ZNF320: variants seen among roughly 807,000 people sequenced by gnomAD.
ZNF320 encodes zinc finger gene 320.
Under a neutral mutation model 6.8 loss-of-function variants are expected in ZNF320, and 2 were observed. That is an observed-to-expected ratio of 0.29 (90% confidence interval 0.12 to 0.93). ZNF320 has a LOEUF of 0.93. ZNF320 is among the 40% of genes least tolerant of loss of function. The probability of loss-of-function intolerance (pLI) is 0.55; values close to 1 mark genes in which losing one functional copy is unlikely to be tolerated. For missense variants in ZNF320, 472 were observed against 611.0 expected (o/e 0.77, Z 2.40); for synonymous variants, 208 against 203.2 (o/e 1.02, Z -0.20).
At chr19:52,859,943 C>G (rs371103440), downstream of ZNF320, among the ~76,000 whole-genome samples, 1 of 142,298 alleles carries the variant, frequency 7.0e-6, no homozygotes, top group Non-Finnish European at 1.5e-5. Flanking sequence ...GACGGTGTAT[C>G]GCTCTGTCAC....
At chr19:52,863,799 G>A (rs929762726) in exon 6 of ZNF320, 12 of 190,682 alleles carry the variant, frequency 6.3e-5, no homozygotes, top group Admixed American at 5.8e-4. Context: ...TTTAGAGGCC[G>A]AGGCGGGTGG....
At chr19:52,887,013 A>AAAAAC (rs2064111438) in intron 5 of ZNF320, among the ~76,000 whole-genome samples, 1 of 143,248 alleles carries the variant, frequency 7.0e-6, no homozygotes, top group Admixed American at 7.0e-5. Context: ...AAGGAAAAGA[A>AAAAAC]AAAACAAAAC....
At chr19:52,864,567 G>A (rs1207720754) in intron 5 of ZNF320, among the ~76,000 whole-genome samples, 1 of 152,082 alleles carries the variant, frequency 6.6e-6, no homozygotes, top group African/African-American at 2.4e-5. Context: ...GAGAAGTGGA[G>A]GGAGGCAGAT....
chr19:52,884,492 G>A (rs111831725), intron 5 of ZNF320, among the ~76,000 whole-genome samples: 6 of 152,130 alleles, frequency 3.9e-5, no homozygotes, highest in Admixed American at 1.3e-4. Context: ...TGGTTTTTGT[G>A]GTTTTAGTAG....
chr19:52,872,793 G>A (rs1162945849), downstream of ZNF320, among the ~76,000 whole-genome samples: 5 of 152,102 alleles, frequency 3.3e-5, no homozygotes, highest in African/African-American at 1.2e-4. Flanking sequence ...GAGCCACCGC[G>A]CCCAGCCTCT....
At chr19:52,894,622 C>A (rs2064415689) in intron 1 of ZNF320, among the ~76,000 whole-genome samples, 1 of 152,090 alleles carries the variant, frequency 6.6e-6, no homozygotes, top group African/African-American at 2.4e-5. Context: ...GCCTGTAATC[C>A]TAGCACTTTG....
chr19:52,860,043 G>T (rs1474122865), downstream of ZNF320, among the ~76,000 whole-genome samples: 2 of 151,812 alleles, frequency 1.3e-5, no homozygotes, highest in Non-Finnish European at 2.9e-5. Context: ...CTCCAGAGTA[G>T]CTGGGACTAC....
chr19:52,881,103 T>C lies in ZNF320; in HGVS notation c.1023A>G (p.Lys341=). The change falls in exon 6 of 6, where the codon AAA becomes AAG. Residue 341 remains lysine (K), a synonymous_variant. Coordinates refer to ENST00000682928, the MANE Select transcript of ZNF320 (RefSeq NM_001351774.2). ...TCCTCCTATGTCTTTCAAGATGTGA[T>C]TTGCGACTGAAAACTTTGTCGCATT... is the stretch of plus-strand genomic sequence containing the variant. ...CEECDKVFSR[K]SHLERHRRIH... is the part of the protein sequence containing the mutation. 6.2e-7 allele frequency: 1 copy of C among 1,614,164 alleles called. No individual in the cohort carries two copies. The highest frequency in any genetic ancestry group is 8.5e-7 in the Non-Finnish European group (1 of 1,180,034).
In ZNF320 at chr19:52,881,152, C is replaced by T. The variant is rs1308077326; in HGVS notation, c.974G>A (p.Gly325Glu). Reference protein sequence around the residue: ...TLAGHRRVHTGEKPYRCEECD... With the variant: ...TLAGHRRVHTEEKPYRCEECD... ...TTCTTCACATCTGTAAGGTTTCTCT[C>T]CAGTGTGAACTCTACGATGTCCTGC... Residue 325 changes from glycine (G) to glutamate (E), a missense_variant, in exon 6 of 6, where the codon GGA (glycine) becomes GAA (glutamate). Physicochemically the swap from Gly to Glu is moderately conservative, Grantham distance 98. Transcript: ENST00000682928. The T allele has an allele frequency of 6.8e-6, 11 of 1,614,144 alleles. No homozygotes were observed. The highest frequency in any genetic ancestry group is 8.5e-6 in the Non-Finnish European group (10 of 1,180,030).
intron 5 of ZNF320, chr19:52,865,381 T>C (rs566789975): frequency 1.1e-3 from 332 of 314,062 alleles, no homozygotes; most frequent in Middle Eastern, 4.2e-3. Flanking sequence ...CAGGTTCCTG[T>C]AGTTCTCCCA....
rs186267150 is a variant in ZNF320, at chr19:52,868,905, T to C, written c.224-4746A>G. On this transcript the variant is annotated intron_variant, in intron 5 of 5. Transcript: ENST00000673631. ...CCAATAATTTTGTCCAGTGGATGAA[T>C]AAGGTCTTGACTTACTCAGTGAGAG... is the stretch of plus-strand genomic sequence containing the variant. 9.5e-3 allele frequency among the ~76,000 whole-genome samples: 1,443 copies of C among 151,968 alleles called. 14 individuals are homozygous for C. Among genetic ancestry groups the C allele is most frequent in the Non-Finnish European group, 0.013 (917 of 67,974 alleles).
upstream of ZNF320, among the ~76,000 whole-genome samples, chr19:52,897,894 T>C (rs867180020): frequency 6.6e-6 from 1 of 152,178 alleles, no homozygotes; most frequent in African/African-American, 2.4e-5. Context: ...GGGTGGGTCC[T>C]GAGCTTTCCT....
downstream of ZNF320, among the ~76,000 whole-genome samples, chr19:52,860,069 C>T (rs1180462489): frequency 2.6e-5 from 4 of 152,156 alleles, no homozygotes; most frequent in South Asian, 2.1e-4. Context: ...CCCGCCACCA[C>T]GCCCGGCTAA....
chr19:52,899,194 A>C (rs1233517228), upstream of ZNF320, among the ~76,000 whole-genome samples: 1 of 152,216 alleles, frequency 6.6e-6, no homozygotes, highest in African/African-American at 2.4e-5. Context: ...AGCAGTAAGC[A>C]GCTTTTTATT....
chr19:52,866,736 T>C (rs2147773592), intron 5 of ZNF320, among the ~76,000 whole-genome samples: 2 of 152,146 alleles, frequency 1.3e-5, no homozygotes, highest in South Asian at 4.2e-4. Context: ...CCAAGCATGA[T>C]GGCACATACC....
chr19:52,889,935 G>A (rs1429566048), intron 4 of ZNF320, among the ~76,000 whole-genome samples: 1 of 152,110 alleles, frequency 6.6e-6, no homozygotes, highest in African/African-American at 2.4e-5. Context: ...GCATCCAGAT[G>A]TGGCCCCTGA....
intron 5 of ZNF320, among the ~76,000 whole-genome samples, chr19:52,883,261 C>T (rs1339667751): frequency 3.3e-5 from 5 of 151,992 alleles, no homozygotes; most frequent in African/African-American, 4.8e-5. Flanking sequence ...AGGCTAGTCT[C>T]GAACTCCTGT....
At chr19:52,897,340 CT>C (rs1434684713) in intron 1 of ZNF320, among the ~76,000 whole-genome samples, 179 bp downstream of exon 1, 1 of 152,088 alleles carries the variant, frequency 6.6e-6, no homozygotes, top group Admixed American at 6.5e-5. Context: ...GCGCCTAGGG[CT>C]GGAATCCAGC....
At chr19:52,893,646 A>C (rs529157322) in intron 2 of ZNF320, 133 bp downstream of exon 2, 1 of 151,662 alleles carries the variant, frequency 6.6e-6, no homozygotes, top group African/African-American at 2.4e-5. Context: ...ACTCTGTCTC[A>C]AAAAAAAATC....
Sources: allele counts gnomAD v4.1 joint callset (sites outside exome capture counted in the v4.1 genomes callset), GRCh38; gene constraint gnomAD v4.1.1; transcripts MANE v1.5; gene names NCBI Gene and HGNC (gene_info 2026-07-23, HGNC 2026-07-21).